The following SSBP2 variants were observed in gnomAD, a reference collection of about 807,000 sequenced individuals.
SSBP2 encodes the protein single-stranded DNA-binding protein 2.
A neutral mutation model predicts 61.8 loss-of-function variants in SSBP2; 17 were observed. The observed-to-expected ratio is 0.28, with a 90% CI of 0.19 to 0.41. The LOEUF (loss-of-function observed/expected upper bound fraction) is 0.41, where lower values mean the gene tolerates loss of function less well. Among genes scored for constraint, SSBP2 ranks in the 10% least tolerant of loss-of-function variants. The probability of loss-of-function intolerance (pLI) is 1.00; values close to 1 mark genes in which losing one functional copy is unlikely to be tolerated. For missense variants in SSBP2, 310 were observed against 458.7 expected, an observed-to-expected ratio of 0.68 and a Z score of 2.96; for synonymous variants, 139 against 141.3, an observed-to-expected ratio of 0.98 and a Z score of 0.12.
At chr5:81,718,555 C>T (rs1041878925) in intron 1 of SSBP2, among the ~76,000 whole-genome samples, 7 of 152,070 alleles carry the variant, frequency 4.6e-5, no homozygotes, top group East Asian at 1.9e-4. Flanking sequence ...TTCAAAGGAA[C>T]GTGACTGAAA....
chr5:81,516,076 T>C (rs1161710551), intron 4 of SSBP2, among the ~76,000 whole-genome samples: 7 of 151,954 alleles, frequency 4.6e-5, no homozygotes, highest in East Asian at 3.9e-4. Context: ...TATTTATCCA[T>C]GATCTAAGAA....
chr5:81,747,019 T>TC (rs1433240888), intron 1 of SSBP2, among the ~76,000 whole-genome samples: 2 of 83,686 alleles, frequency 2.4e-5, no homozygotes, highest in Non-Finnish European at 5.4e-5. Flanking sequence ...CAAACAAAAT[T>TC]CCTGGGGGGG....
chr5:81,433,604 A>G (rs1762481527), intron 15 of SSBP2, among the ~76,000 whole-genome samples: 1 of 151,728 alleles, frequency 6.6e-6, no homozygotes. Context: ...AAAAAAAAAA[A>G]AAAAAGAAAG....
chr5:81,428,616 C>T lies in SSBP2; in HGVS notation c.1025G>A (p.Gly342Glu). ...ACTCTGAAAAGGATTTAAGAAATTT[C>T]CCCCCATTTCGCCATCATCCCTTGG... is the stretch of plus-strand genomic sequence containing the variant. Residue 342 changes from glycine to glutamate, a missense_variant, in exon 16 of 17, where the codon GGA becomes GAA. Transcript: ENST00000320672. The T allele has an allele frequency of 1.2e-6, 2 of 1,612,944 alleles. No homozygotes were observed. Among genetic ancestry groups the T allele is most frequent in the Middle Eastern group, 1.7e-4 (1 of 6,056 alleles).
At chr5:81,640,302 G>A (rs777942038) in intron 2 of SSBP2, among the ~76,000 whole-genome samples, 21 of 151,846 alleles carry the variant, frequency 1.4e-4, no homozygotes, top group Non-Finnish European at 2.4e-4. Context: ...ATAGCACCAC[G>A]GCACTCCAGC....
At chr5:81,594,406 C>G (rs1021238665) in intron 4 of SSBP2, among the ~76,000 whole-genome samples, 8 of 152,108 alleles carry the variant, frequency 5.3e-5, no homozygotes, top group Non-Finnish European at 8.8e-5. Context: ...GACTTTAACA[C>G]CCCACTGTCA....
chr5:81,660,461 C>T (rs147912847), intron 1 of SSBP2, among the ~76,000 whole-genome samples: 68 of 152,228 alleles, frequency 4.5e-4, no homozygotes, highest in African/African-American at 1.6e-3. Context: ...AATGAGATAC[C>T]ATCTCATACC....
chr5:81,514,020 CTTTAT>C (rs1468541620), intron 4 of SSBP2, among the ~76,000 whole-genome samples: 18 of 152,042 alleles, frequency 1.2e-4, no homozygotes, highest in Non-Finnish European at 2.6e-4. Flanking sequence ...TTAGTAAATG[CTTTAT>C]TTTAAGGCAC....
At chr5:81,460,922 A>C (rs1764492859) in intron 10 of SSBP2, 133 bp downstream of exon 10, 2 of 442,336 alleles carry the variant, frequency 4.5e-6, no homozygotes, top group Non-Finnish European at 7.6e-6. Context: ...ATTTATATTA[A>C]ACTTTTTGAA....
chr5:81,466,681 AAT>A (rs1764914214), intron 9 of SSBP2, among the ~76,000 whole-genome samples: 1 of 151,976 alleles, frequency 6.6e-6, no homozygotes, highest in Non-Finnish European at 1.5e-5. Context: ...ATCAAAATGA[AAT>A]AGACTAAAAG....
At chr5:81,623,353 T>TTTGG (rs1746808621) in intron 3 of SSBP2, among the ~76,000 whole-genome samples, 1 of 148,182 alleles carries the variant, frequency 6.7e-6, no homozygotes, top group Non-Finnish European at 1.5e-5. Context: ...TTTTTTTTTT[T>TTTGG]GAGACGGAGT....
chr5:81,727,631 A>C (rs557622306), intron 1 of SSBP2, among the ~76,000 whole-genome samples: 1 of 152,368 alleles, frequency 6.6e-6, no homozygotes, highest in African/African-American at 2.4e-5. Context: ...TTTTATGGAA[A>C]TATTCATCAA....
At chr5:81,475,738 A>G (rs568501720) in intron 6 of SSBP2, among the ~76,000 whole-genome samples, 5 of 152,154 alleles carry the variant, frequency 3.3e-5, no homozygotes, top group Non-Finnish European at 5.9e-5. Flanking sequence ...TTAAGTAGTT[A>G]TTGCTGACAT....
chr5:81,598,016 T>C (rs1305509553), intron 4 of SSBP2, among the ~76,000 whole-genome samples: 11 of 150,618 alleles, frequency 7.3e-5, no homozygotes, highest in Non-Finnish European at 4.4e-5. Flanking sequence ...ATAATAAAAT[T>C]AAAAAATAAT....
At chr5:81,519,982 C>T (rs1473876697) in intron 4 of SSBP2, among the ~76,000 whole-genome samples, 1 of 149,844 alleles carries the variant, frequency 6.7e-6, no homozygotes, top group African/African-American at 2.5e-5. Flanking sequence ...TAGCTATTTT[C>T]CCCCCTCTTT....
intron 1 of SSBP2, among the ~76,000 whole-genome samples, chr5:81,730,128 T>G (rs2153988501): frequency 6.6e-6 from 1 of 152,354 alleles, no homozygotes; most frequent in East Asian, 1.9e-4. Flanking sequence ...ATGAGGGATT[T>G]CTATCCTGTT....
chr5:81,616,879 A>G (rs1214362445), intron 3 of SSBP2, among the ~76,000 whole-genome samples: 4 of 152,134 alleles, frequency 2.6e-5, no homozygotes, highest in Non-Finnish European at 2.9e-5. Context: ...CAACAGACCT[A>G]CAGCTGAGGG....
chr5:81,444,308 T>G (rs943378190), intron 12 of SSBP2, among the ~76,000 whole-genome samples: 1 of 152,148 alleles, frequency 6.6e-6, no homozygotes, highest in Non-Finnish European at 1.5e-5. Flanking sequence ...CCTCCATGAT[T>G]TTGTTCTTTC....
intron 2 of SSBP2, among the ~76,000 whole-genome samples, chr5:81,641,453 G>A (rs1323635015): frequency 6.6e-6 from 1 of 152,054 alleles, no homozygotes; most frequent in East Asian, 1.9e-4. Flanking sequence ...GCCAGAAGCA[G>A]GTAAAACTTC....
Sources: gnomAD v4.1 joint callset for allele counts (sites outside exome capture counted in the v4.1 genomes callset) on GRCh38, gnomAD v4.1.1 for gene constraint, MANE v1.5 for transcripts, NCBI Gene and HGNC (gene_info 2026-07-23, HGNC 2026-07-21) for gene names.